Variants in IL19 observed in about 807,000 individuals in gnomAD.
IL19 encodes the protein interleukin 19.
In IL19, 15 loss-of-function variants were observed where a neutral mutation model predicts 19.5. That is an observed-to-expected ratio of 0.77 (90% CI 0.52 to 1.19). The LOEUF (loss-of-function observed/expected upper bound fraction) is 1.19. IL19 is among the 50% of genes most tolerant of loss of function. IL19 has a pLI of 0.00. For missense variants in IL19, 199 were observed against 213.1 expected (o/e 0.93, Z 0.41); for synonymous variants, 78 against 78.3 (o/e 1.00, Z 0.02).
intron 1 of IL19, chr1:206,772,505 C>T: frequency 7.2e-7 from 1 of 1,379,438 alleles, no homozygotes; most frequent in Non-Finnish European, 1.0e-6. Flanking sequence ...AGACCTTCAC[C>T]TCTCTGTCCC....
chr1:206,792,649 G>A (rs532176679), intron 1 of IL19, among the ~76,000 whole-genome samples: 36 of 152,180 alleles, frequency 2.4e-4, no homozygotes, highest in African/African-American at 8.7e-4. Flanking sequence ...TAGAGACAGG[G>A]TTTCACCATG....
chr1:206,826,757 G>T (rs1379579581), intron 2 of IL19, among the ~76,000 whole-genome samples: 1 of 152,222 alleles, frequency 6.6e-6, no homozygotes, highest in Non-Finnish European at 1.5e-5. Flanking sequence ...GCCTGGACTT[G>T]CCAGTTGGGA....
At chr1:206,778,431 G>T (rs1675059533) in intron 1 of IL19, among the ~76,000 whole-genome samples, 1 of 152,060 alleles carries the variant, frequency 6.6e-6, no homozygotes, top group African/African-American at 2.4e-5. Flanking sequence ...CTGAGTGTGG[G>T]GCACAAATGG....
chr1:206,789,503 A>C (rs1407266773), intron 1 of IL19, among the ~76,000 whole-genome samples: 9 of 152,208 alleles, frequency 5.9e-5, no homozygotes, highest in Admixed American at 6.5e-5. Flanking sequence ...AAGTTGCTGC[A>C]AAGGACATTA....
intron 2 of IL19, among the ~76,000 whole-genome samples, chr1:206,827,426 C>G (rs1676464036): frequency 6.6e-6 from 1 of 152,174 alleles, no homozygotes; most frequent in Non-Finnish European, 1.5e-5. Context: ...CACGGTGGCT[C>G]ACGCCTGTAA....
intron 2 of IL19, among the ~76,000 whole-genome samples, chr1:206,799,401 T>A (rs1675619944): frequency 6.6e-6 from 1 of 152,126 alleles, no homozygotes; most frequent in Non-Finnish European, 1.5e-5. Flanking sequence ...GTAAGGAGCC[T>A]GGGGTGTCTC....
intron 1 of IL19, among the ~76,000 whole-genome samples, chr1:206,793,317 T>G (rs1399563848): frequency 6.6e-6 from 1 of 152,188 alleles, no homozygotes; most frequent in Admixed American, 6.5e-5. Context: ...GATGGCTGCT[T>G]TAGGGGCAGC....
intron 1 of IL19, among the ~76,000 whole-genome samples, chr1:206,783,601 C>T (rs1016426988): frequency 6.6e-6 from 1 of 152,164 alleles, no homozygotes; most frequent in Non-Finnish European, 1.5e-5. Context: ...ACCTTATATA[C>T]CTCTGACAGC....
intron 1 of IL19, among the ~76,000 whole-genome samples, chr1:206,778,317 G>A (rs1005442423): frequency 6.6e-6 from 1 of 152,122 alleles, no homozygotes; most frequent in East Asian, 1.9e-4. Flanking sequence ...GAGAAATTTG[G>A]CTTATCAGGG....
chr1:206,800,692 T>C (rs1471420665), intron 2 of IL19, among the ~76,000 whole-genome samples: 2 of 152,204 alleles, frequency 1.3e-5, no homozygotes, highest in East Asian at 3.9e-4. Flanking sequence ...AAAAAGATTT[T>C]AGGCATTGTG....
chr1:206,832,940 C>T (rs1396277938), intron 2 of IL19, among the ~76,000 whole-genome samples: 2 of 152,202 alleles, frequency 1.3e-5, no homozygotes, highest in African/African-American at 4.8e-5. Context: ...TCCTTCTCTG[C>T]CGGTGCCCTG....
At chr1:206,799,934 A>C (rs1226125665) in intron 2 of IL19, among the ~76,000 whole-genome samples, 1 of 152,170 alleles carries the variant, frequency 6.6e-6, no homozygotes, top group African/African-American at 2.4e-5. Context: ...TATTTTTACA[A>C]ACATCTCATC....
chr1:206,786,506 C>T (rs1331940392), intron 1 of IL19, among the ~76,000 whole-genome samples: 1 of 152,120 alleles, frequency 6.6e-6, no homozygotes, highest in Non-Finnish European at 1.5e-5. Context: ...GAGTGGGAAG[C>T]AGGAGCTTCT....
chr1:206,774,897 CTCCCTTCAATT>C (rs928536325), intron 1 of IL19, among the ~76,000 whole-genome samples: 1 of 152,032 alleles, frequency 6.6e-6, no homozygotes, highest in African/African-American at 2.4e-5. Context: ...TGCAGGCAGC[CTCCCTTCAATT>C]TCCTTATATG....
At chr1:206,821,936 C>T (rs944536025) in intron 2 of IL19, among the ~76,000 whole-genome samples, 3 of 152,236 alleles carry the variant, frequency 2.0e-5, no homozygotes, top group Non-Finnish European at 2.9e-5. Context: ...CAAGTTCCCA[C>T]AGGCCTTGTT....
chr1:206,836,588 C>A (rs879357180), intron 2 of IL19, 73 bp from the exon 3 acceptor site: 29 of 1,384,096 alleles, frequency 2.1e-5, no homozygotes, highest in East Asian at 1.2e-4. Context: ...TGGAAAGGAG[C>A]GTCAATCAGG....
chr1:206,827,545 C>CAAAAAATA (rs1676467413), intron 2 of IL19, among the ~76,000 whole-genome samples: 1 of 152,024 alleles, frequency 6.6e-6, no homozygotes, highest in Non-Finnish European at 1.5e-5. Flanking sequence ...AAAAAATTAG[C>CAAAAAATA]CAGGCGAGGT....
At chr1:206,789,664 G>A (rs1021372225) in intron 1 of IL19, among the ~76,000 whole-genome samples, 9 of 152,048 alleles carry the variant, frequency 5.9e-5, no homozygotes, top group African/African-American at 2.2e-4. Flanking sequence ...GGGGTTTGTT[G>A]TCTTACTAAT....
At chr1:206,805,584 AC>A (rs1302436129) in intron 2 of IL19, among the ~76,000 whole-genome samples, 5 of 152,264 alleles carry the variant, frequency 3.3e-5, no homozygotes, top group Admixed American at 3.3e-4. Flanking sequence ...ACAAATGGAC[AC>A]TGCAGAAAAC....
Sources: allele counts gnomAD v4.1 joint callset (sites outside exome capture counted in the v4.1 genomes callset), GRCh38; gene constraint gnomAD v4.1.1; transcripts MANE v1.5; gene names NCBI Gene and HGNC (gene_info 2026-07-23, HGNC 2026-07-21).